PARVA: variants seen among roughly 807,000 people sequenced by gnomAD.
PARVA encodes alpha-parvin.
A neutral mutation model predicts 52.6 loss-of-function variants in PARVA; 25 were observed. The observed-to-expected ratio is 0.48, with a 90% CI of 0.35 to 0.66. The LOEUF (loss-of-function observed/expected upper bound fraction) is 0.66. Among genes scored for constraint, PARVA ranks in the 30% least tolerant of loss-of-function variants. The pLI is 0.01. For synonymous variants in PARVA, 185 were observed against 179.1 expected, an observed-to-expected ratio of 1.03 and a Z score of -0.26; for missense variants, 373 against 450.9, an observed-to-expected ratio of 0.83 and a Z score of 1.56.
rs139129813 is a variant in PARVA, at chr11:12,416,301, C to A, written c.136+38518C>A. Among the ~76,000 whole-genome samples the A allele has an allele frequency of 7.4e-3, 1,131 of 152,266 alleles. 13 individuals carry two copies. Among genetic ancestry groups the A allele is most frequent in the African/African-American group, 0.025 (1,059 of 41,530 alleles). ...TTTTAAGAAAGCAGAGTCTACACATCCCCATCTTTCATCCAGTTCCACCTC... is the reference window on the plus strand; with the variant it reads ...TTTTAAGAAAGCAGAGTCTACACATACCCATCTTTCATCCAGTTCCACCTC... On this transcript the variant is annotated intron_variant, in intron 1 of 12. Transcript: ENST00000334956.
intron 12 of PARVA, among the ~76,000 whole-genome samples, chr11:12,527,497 C>T (rs575731070): frequency 7.9e-5 from 12 of 152,272 alleles, no homozygotes; most frequent in Admixed American, 6.5e-4. Flanking sequence ...TTCTGTGAGG[C>T]AGCTTGAGTC....
intron 1 of PARVA, among the ~76,000 whole-genome samples, chr11:12,420,122 C>T (rs1396031478): frequency 6.6e-6 from 1 of 152,108 alleles, no homozygotes; most frequent in African/African-American, 2.4e-5. Flanking sequence ...GGAAATCAGG[C>T]ATTCATGGCT....
chr11:12,411,378 A>G (rs953849584), intron 1 of PARVA, among the ~76,000 whole-genome samples: 2 of 152,224 alleles, frequency 1.3e-5, no homozygotes, highest in Non-Finnish European at 2.9e-5. Flanking sequence ...GTACATTGGT[A>G]TGGTACATTT....
chr11:12,499,232 G>T (rs989664000), intron 5 of PARVA, among the ~76,000 whole-genome samples: 9 of 152,278 alleles, frequency 5.9e-5, no homozygotes, highest in African/African-American at 2.2e-4. Flanking sequence ...GAAGAGCTGG[G>T]CTTATTTACA....
chr11:12,387,831 G>C (rs1040121124), intron 1 of PARVA, among the ~76,000 whole-genome samples: 1 of 151,968 alleles, frequency 6.6e-6, no homozygotes, highest in Non-Finnish European at 1.5e-5. Context: ...TTTTCATCCA[G>C]AAAAGCTTGC....
chr11:12,481,216 T>C (rs914753905), intron 4 of PARVA, among the ~76,000 whole-genome samples: 1 of 152,354 alleles, frequency 6.6e-6, no homozygotes, highest in Middle Eastern at 3.4e-3. Flanking sequence ...AGATGGTCTC[T>C]TCTCTGTATT....
At chr11:12,524,592 C>G (rs1941677883) in intron 12 of PARVA, among the ~76,000 whole-genome samples, 2 of 152,204 alleles carry the variant, frequency 1.3e-5, no homozygotes. Flanking sequence ...AACATTTTAC[C>G]TCCACCTGCT....
chr11:12,461,356 C>T (rs1940777556), intron 1 of PARVA, among the ~76,000 whole-genome samples: 1 of 152,194 alleles, frequency 6.6e-6, no homozygotes, highest in African/African-American at 2.4e-5. Context: ...TACAAATGCT[C>T]AGGGCATGTG....
intron 1 of PARVA, among the ~76,000 whole-genome samples, chr11:12,446,899 C>T (rs1940555028): frequency 1.3e-5 from 2 of 152,190 alleles, no homozygotes; most frequent in African/African-American, 4.8e-5. Flanking sequence ...ATGGCTATGA[C>T]TCCTATAAGT....
At position 12,527,882 on chromosome 11, in the gene PARVA, G is replaced by C; in HGVS notation, c.1076G>C (p.Arg359Pro). 6.2e-7 allele frequency: 1 copy of C among 1,613,460 alleles called. No homozygotes were observed. The highest frequency in any genetic ancestry group is 1.3e-5 in the African/African-American group (1 of 75,014). The part of the protein sequence containing the change: ...IVNCDLKSTL[R>P]VLYNLFTKYR... ...AACTGTGACCTGAAATCTACACTACGAGTGTTGTACAACCTCTTCACCAAG... is the reference window on the plus strand; with the variant it reads ...AACTGTGACCTGAAATCTACACTACCAGTGTTGTACAACCTCTTCACCAAG... Residue 359 changes from arginine to proline, a missense_variant, in exon 13 of 13, where the codon CGA (arginine) becomes CCA (proline). Transcript: ENST00000334956.
chr11:12,381,967 C>G (rs186568531), intron 1 of PARVA, among the ~76,000 whole-genome samples: 26 of 152,296 alleles, frequency 1.7e-4, no homozygotes, highest in African/African-American at 6.0e-4. Flanking sequence ...TATGGTATTT[C>G]ACTAAGCATG....
chr11:12,525,505 C>T (rs941186295), intron 12 of PARVA, among the ~76,000 whole-genome samples: 1 of 152,120 alleles, frequency 6.6e-6, no homozygotes, highest in African/African-American at 2.4e-5. Flanking sequence ...ACCTTTGCCC[C>T]TCTCTGCCTT....
At position 12,534,762 on chromosome 11, in the gene PARVA, T is replaced by C. The variant is rs929686242; in HGVS notation, c.*6837T>C. Among the ~76,000 whole-genome samples, 2 of 152,248 alleles carry C rather than the reference T, an allele frequency of 1.3e-5. No homozygotes were observed. The highest frequency in any genetic ancestry group is 2.4e-5 in the African/African-American group (1 of 41,474). ...GGGCTGCACAACTCTCTGGCTGCTA[T>C]GTGTCTTCCTGGAAACCCTGTCAAA... On this transcript the variant is annotated 3_prime_UTR_variant, in exon 13 of 13. Coordinates refer to ENST00000334956, the MANE Select transcript of PARVA (RefSeq NM_018222.5).
At chr11:12,377,827 G>C in intron 1 of PARVA, 44 bp downstream of exon 1, 2 of 1,433,178 alleles carry the variant, frequency 1.4e-6, no homozygotes, top group African/African-American at 1.5e-5. Flanking sequence ...GGAGCCGGGG[G>C]TGCCGTAGGG....
At chr11:12,430,422 C>T (rs1022085888) in intron 1 of PARVA, among the ~76,000 whole-genome samples, 9 of 152,174 alleles carry the variant, frequency 5.9e-5, no homozygotes, top group Non-Finnish European at 1.3e-4. Context: ...CACCCATTGC[C>T]CTCTTTCCTA....
chr11:12,500,705 C>T (rs184731174), intron 5 of PARVA, among the ~76,000 whole-genome samples: 9 of 152,022 alleles, frequency 5.9e-5, no homozygotes, highest in Admixed American at 2.6e-4. Context: ...GCAGGAGATT[C>T]GCTTGAACCC....
chr11:12,402,390 T>C (rs1432457810), intron 1 of PARVA, among the ~76,000 whole-genome samples: 1 of 152,196 alleles, frequency 6.6e-6, no homozygotes, highest in Non-Finnish European at 1.5e-5. Flanking sequence ...TCAACCACAG[T>C]ACAGAGTGGA....
intron 4 of PARVA, among the ~76,000 whole-genome samples, chr11:12,491,683 C>T (rs1233824199): frequency 6.6e-6 from 1 of 152,066 alleles, no homozygotes; most frequent in Non-Finnish European, 1.5e-5. Flanking sequence ...CTTATATGTA[C>T]TTTTGTATAT....
intron 5 of PARVA, among the ~76,000 whole-genome samples, chr11:12,497,327 AT>A (rs1406142706): frequency 2.0e-5 from 3 of 152,232 alleles, no homozygotes; most frequent in African/African-American, 7.2e-5. Flanking sequence ...ATGAATTTAG[AT>A]TAATAAAAGA....
Sources: allele counts gnomAD v4.1 joint callset (sites outside exome capture counted in the v4.1 genomes callset), GRCh38; gene constraint gnomAD v4.1.1; transcripts MANE v1.5; gene names NCBI Gene and HGNC (gene_info 2026-07-23, HGNC 2026-07-21).